The following RAB2B variants were observed in gnomAD, a reference collection of about 807,000 sequenced individuals.
RAB2B encodes the protein ras-related protein Rab-2B.
In RAB2B, 20 loss-of-function variants were observed where a neutral mutation model predicts 29.8. The observed-to-expected ratio is 0.67, with a 90% CI of 0.47 to 0.97. The LOEUF is 0.97. RAB2B is among the 50% of genes least tolerant of loss of function. The pLI is 0.00. For missense variants in RAB2B, 218 were observed against 272.0 expected (o/e 0.80, Z 1.40); for synonymous variants, 93 against 91.7 (o/e 1.01, Z -0.08).
intron 3 of RAB2B, among the ~76,000 whole-genome samples, chr14:21,470,367 C>T (rs988833931): frequency 6.6e-6 from 1 of 152,074 alleles, no homozygotes; most frequent in Admixed American, 6.5e-5. Flanking sequence ...GATCTTAGTA[C>T]TTCCTAGGAC....
At position 21,460,574 on chromosome 14, in the gene RAB2B, A is replaced by AC. The variant is rs1256200077; in HGVS notation, c.*621dup. 3 of 97,074 alleles carry AC rather than the reference A, an allele frequency of 3.1e-5. No individual in the cohort carries two copies. The highest frequency in any genetic ancestry group is 1.2e-4 in the African/African-American group (3 of 25,652). The allele number at this position is 97,074 out of a possible 1,614,324, so 6.0% of individuals were successfully genotyped here. ...CACTCCAGCCTGGAGACAGAGTGAG[A>AC]CTCCATCCCCCCAAAAAAAAAAAAA... On this transcript the variant is annotated 3_prime_UTR_variant, in exon 8 of 8. Coordinates refer to ENST00000397762, the MANE Select transcript of RAB2B (RefSeq NM_032846.4).
intron 6 of RAB2B, 47 bp downstream of exon 6, chr14:21,463,609 A>C: frequency 3.3e-6 from 4 of 1,223,462 alleles, no homozygotes; most frequent in Non-Finnish European, 4.8e-6. Context: ...AGGACAAATA[A>C]TGGTGTAATC....
At chr14:21,461,350 A>G (rs1890551752) in intron 7 of RAB2B, 47 bp from the exon 8 acceptor site, 1 of 1,353,140 alleles carries the variant, frequency 7.4e-7, no homozygotes. Context: ...GTTAAAGTGA[A>G]TGAGAGACAG....
chr14:21,474,119 C>G (rs1566473798), intron 3 of RAB2B, among the ~76,000 whole-genome samples: 1 of 151,998 alleles, frequency 6.6e-6, no homozygotes, highest in Non-Finnish European at 1.5e-5. Flanking sequence ...TGAACCCAGG[C>G]GGTGGAGGTC....
rs763395817 is a variant in RAB2B, at chr14:21,468,451, T to C, written c.270-2A>G. The C allele has an allele frequency of 6.2e-7, 1 of 1,613,578 alleles. No homozygotes were observed. Among genetic ancestry groups the C allele is most frequent in the South Asian group, 1.1e-5 (1 of 91,014 alleles). ...GTCAGGTGGTTGAAGGTTTCACGCC[T>C]ACAGCAGAAAAATTTAGAATGTGGG... On this transcript the variant is annotated splice_acceptor_variant, in intron 4 of 7. Transcript: ENST00000397762. LOFTEE classifies it high-confidence loss of function.
At chr14:21,476,770 A>G (rs1470884830) in intron 1 of RAB2B, 57 bp downstream of exon 1, 1 of 1,066,440 alleles carries the variant, frequency 9.4e-7, no homozygotes, top group Admixed American at 2.9e-5. Context: ...CCCGCCACCC[A>G]ATTTGGGAGC....
rs933893789 is a variant in RAB2B, at chr14:21,476,952, C to G, written c.-80G>C. ...CGACCTCTCTAGCCACTCAATCTAC[C>G]GATCTTCTTCTTCTCCCCCTTCCCC... On this transcript the variant is annotated 5_prime_UTR_variant, in exon 1 of 8. Transcript: ENST00000397762. 6.8e-4 allele frequency: 1,000 copies of G among 1,476,956 alleles called. No homozygotes were observed. Among genetic ancestry groups the G allele is most frequent in the Non-Finnish European group, 8.8e-4 (933 of 1,060,732 alleles). The allele number at this position is 1,476,956 out of a possible 1,614,324, so 91.5% of individuals were successfully genotyped here. A position where few individuals can be genotyped will look rare whatever the true frequency, so the allele number is the denominator to read the frequency against.
intron 2 of RAB2B, among the ~76,000 whole-genome samples, 200 bp from the exon 3 acceptor site, chr14:21,475,134 T>C (rs1312725312): frequency 2.0e-5 from 3 of 152,186 alleles, no homozygotes; most frequent in Non-Finnish European, 4.4e-5. Context: ...AATTAAAAAA[T>C]TGTGCTCAAT....
chr14:21,463,413 G>C (rs73581408), intron 6 of RAB2B, among the ~76,000 whole-genome samples: 1 of 151,768 alleles, frequency 6.6e-6, no homozygotes, highest in African/African-American at 2.4e-5. Context: ...TGACCAGCTA[G>C]TTTTTTGTAT....
intron 5 of RAB2B, among the ~76,000 whole-genome samples, chr14:21,467,215 C>CT (rs1424715836): frequency 2.6e-5 from 4 of 151,686 alleles, no homozygotes; most frequent in Admixed American, 2.6e-4. Flanking sequence ...CATATTTTTT[C>CT]TTTTTTTTAT....
chr14:21,475,574 C>T (rs3762161), intron 2 of RAB2B, among the ~76,000 whole-genome samples: 1 of 151,940 alleles, frequency 6.6e-6, no homozygotes, highest in Non-Finnish European at 1.5e-5. Context: ...ACCTTACAGG[C>T]ACACGCCACA....
At chr14:21,468,290 G>T in intron 5 of RAB2B, 67 bp downstream of exon 5, 1 of 1,244,958 alleles carries the variant, frequency 8.0e-7, no homozygotes, top group South Asian at 1.3e-5. Flanking sequence ...AGAAAGTTTG[G>T]GGATCAATGT....
chr14:21,463,334 C>A (rs1448882535), intron 6 of RAB2B, among the ~76,000 whole-genome samples: 1 of 151,102 alleles, frequency 6.6e-6, no homozygotes, highest in East Asian at 1.9e-4. Context: ...ACAACCTCCG[C>A]CTCCTGGGTT....
At chr14:21,475,359 T>C (rs1473610515) in intron 2 of RAB2B, among the ~76,000 whole-genome samples, 1 of 152,146 alleles carries the variant, frequency 6.6e-6, no homozygotes, top group East Asian at 1.9e-4. Flanking sequence ...TAAAACAATA[T>C]TTATTTTTTT....
intron 6 of RAB2B, among the ~76,000 whole-genome samples, chr14:21,463,246 TTC>T (rs962429398): frequency 8.7e-5 from 4 of 45,798 alleles, no homozygotes; most frequent in African/African-American, 4.0e-4. Flanking sequence ...AAGACATTCT[TTC>T]TTTTTTTTTT....
At chr14:21,471,891 G>A (rs1306633542) in intron 3 of RAB2B, among the ~76,000 whole-genome samples, 3 of 151,854 alleles carry the variant, frequency 2.0e-5, no homozygotes, top group Non-Finnish European at 4.4e-5. Flanking sequence ...GGCCAGGCTA[G>A]TCTCAAACTC....
chr14:21,474,306 G>T (rs912609556), intron 3 of RAB2B, among the ~76,000 whole-genome samples: 8 of 152,236 alleles, frequency 5.3e-5, no homozygotes, highest in Middle Eastern at 6.8e-3. Context: ...CCATGACTAC[G>T]CAGTGGTTAA....
intron 3 of RAB2B, among the ~76,000 whole-genome samples, chr14:21,471,412 T>C (rs1339888863): frequency 1.3e-5 from 2 of 151,414 alleles, no homozygotes; most frequent in Non-Finnish European, 2.9e-5. Context: ...AGCTCAGGAG[T>C]TTGAGACCAG....
intron 3 of RAB2B, among the ~76,000 whole-genome samples, chr14:21,471,607 G>C (rs1225967375): frequency 7.7e-6 from 1 of 129,056 alleles, no homozygotes; most frequent in Non-Finnish European, 1.6e-5. Flanking sequence ...GACAGAGCAA[G>C]ACCCTGTCAA....
Sources: allele counts gnomAD v4.1 joint callset (sites outside exome capture counted in the v4.1 genomes callset), GRCh38; gene constraint gnomAD v4.1.1; transcripts MANE v1.5; gene names NCBI Gene and HGNC (gene_info 2026-07-23, HGNC 2026-07-21).